The following GNPTAB variants were observed in gnomAD, a reference collection of about 807,000 sequenced individuals.
GNPTAB encodes the protein N-acetylglucosamine-1-phosphate transferase subunits alpha and beta, also known as N-acetylglucosamine-1-phosphotransferase subunits alpha/beta.
A neutral mutation model predicts 136.6 loss-of-function variants in GNPTAB; 92 were observed. That is an observed-to-expected ratio of 0.67 (90% CI 0.57 to 0.80). The LOEUF (loss-of-function observed/expected upper bound fraction) is 0.80. GNPTAB is among the 30% of genes least tolerant of loss of function. The pLI is 0.00. For missense variants in GNPTAB, 1,343 were observed against 1,501.8 expected (o/e 0.89, Z 1.75); for synonymous variants, 512 against 535.1 (o/e 0.96, Z 0.60).
At position 101,761,672 on chromosome 12, in the gene GNPTAB, CT is replaced by C. The variant is rs1292129550; in HGVS notation, c.2806del (p.Arg936AspfsTer3). The C allele has an allele frequency of 1.2e-6, 2 of 1,613,692 alleles. No homozygotes were observed. The highest frequency in any genetic ancestry group is 1.7e-6 in the Non-Finnish European group (2 of 1,179,706). ...GCTATTTAGAATTTTATTTACATAT[CT>C]GAGGGAATCTGCAAATGTATCTTTT... ...QLKDTFADSL[R>X]YVNKILNSKF... On this transcript the variant is annotated frameshift_variant, in exon 14 of 21. Transcript: ENST00000299314. LOFTEE classifies it high-confidence loss of function.
Position 101,761,180 on chromosome 12 carries a change from T to C in GNPTAB, c.3082A>G (p.Arg1028Gly). 6.2e-7 allele frequency: 1 copy of C among 1,614,180 alleles called. No individual in the cohort carries two copies. The highest frequency in any genetic ancestry group is 8.5e-7 in the Non-Finnish European group (1 of 1,179,990). Residue 1028 changes from arginine to glycine, a missense_variant, in exon 15 of 21, where the codon AGA (arginine) becomes GGA (glycine). Coordinates refer to ENST00000299314, the MANE Select transcript of GNPTAB (RefSeq NM_024312.5). Reference sequence around the variant, plus strand: ...CTGGTAGCCAGTGTTCGGATTTCTCTGTCAGACAAGACACCAGATTGATCT... The same window carrying C: ...CTGGTAGCCAGTGTTCGGATTTCTCCGTCAGACAAGACACCAGATTGATCT... ...DTDQSGVLSDREIRTLATRIH... is the reference protein window; with the variant it reads ...DTDQSGVLSDGEIRTLATRIH...
intron 7 of GNPTAB, chr12:101,773,227 T>C: frequency 4.6e-6 from 1 of 219,032 alleles, no homozygotes; most frequent in Non-Finnish European, 9.5e-6. Flanking sequence ...TCCTCCACCT[T>C]CTTACTACCT....
intron 12 of GNPTAB, 160 bp downstream of exon 12, chr12:101,765,931 T>G: frequency 1.4e-6 from 1 of 692,230 alleles, no homozygotes; most frequent in Non-Finnish European, 2.6e-6. Flanking sequence ...TCTTCAGTGA[T>G]TTATGTTGTT....
chr12:101,802,224 A>G (rs1229296032), intron 1 of GNPTAB, among the ~76,000 whole-genome samples: 1 of 151,368 alleles, frequency 6.6e-6, no homozygotes, highest in African/African-American at 2.4e-5. Flanking sequence ...AAAAGAAAAG[A>G]AAAGAAAAAA....
chr12:101,773,427 G>A, intron 7 of GNPTAB: 1 of 239,298 alleles, frequency 4.2e-6, no homozygotes, highest in South Asian at 5.0e-5. Context: ...TCCAGGGTCG[G>A]AAGGCAGTGG....
chr12:101,754,528 C>T (rs991119132), intron 18 of GNPTAB, among the ~76,000 whole-genome samples: 3 of 151,840 alleles, frequency 2.0e-5, no homozygotes, highest in African/African-American at 4.8e-5. Context: ...AGAGACAGTG[C>T]CTTATAGCTA....
intron 1 of GNPTAB, among the ~76,000 whole-genome samples, chr12:101,809,854 T>C (rs1870126943): frequency 6.6e-6 from 1 of 152,210 alleles, no homozygotes; most frequent in Admixed American, 6.5e-5. Flanking sequence ...ATTATGCGTT[T>C]GTCAAAACCC....
chr12:101,826,120 A>G (rs1427516305), intron 1 of GNPTAB, among the ~76,000 whole-genome samples: 1 of 152,250 alleles, frequency 6.6e-6, no homozygotes, highest in Non-Finnish European at 1.5e-5. Context: ...GGCTGAACAT[A>G]ACTTGAGCTA....
At chr12:101,802,199 T>TAAAAAAAAAAAAA (rs112485347) in intron 1 of GNPTAB, among the ~76,000 whole-genome samples, 1 of 108,210 alleles carries the variant, frequency 9.2e-6, no homozygotes, top group African/African-American at 3.5e-5. Context: ...CCCTGTCTCT[T>TAAAAAAAAAAAAA]AAAAAAAAAA....
At chr12:101,752,666 C>T (rs1293842386) in intron 19 of GNPTAB, among the ~76,000 whole-genome samples, 1 of 152,184 alleles carries the variant, frequency 6.6e-6, no homozygotes, top group Non-Finnish European at 1.5e-5. Flanking sequence ...CCCTTCTCAC[C>T]ACTTCTGAGA....
intron 1 of GNPTAB, among the ~76,000 whole-genome samples, chr12:101,829,240 T>C (rs529437683): frequency 6.6e-6 from 1 of 152,300 alleles, no homozygotes; most frequent in South Asian, 2.1e-4. Flanking sequence ...ATCCCAACAC[T>C]TTGGGAGGCC....
rs770952898 is a variant in GNPTAB, at chr12:101,757,267, G to T, written c.3379C>A (p.Arg1127Ser). ...GEEEIAFKMI[R>S]TNVSHVVGQL... The stretch of plus-strand genomic sequence containing the variant: ...CCAACCACATGAGAAACGTTGGTAC[G>T]AATCATTTTAAAAGCGATTTCTTCT... Residue 1127 changes from arginine to serine, a missense_variant, in exon 18 of 21, where the codon CGT becomes AGT. Transcript: ENST00000299314. The T allele has an allele frequency of 6.2e-7, 1 of 1,609,578 alleles. No individual in the cohort carries two copies. Among genetic ancestry groups the T allele is most frequent in the Admixed American group, 1.7e-5 (1 of 59,990 alleles).
intron 18 of GNPTAB, among the ~76,000 whole-genome samples, chr12:101,753,973 A>C (rs562259808): frequency 3.3e-5 from 5 of 152,014 alleles, no homozygotes; most frequent in Non-Finnish European, 7.4e-5. Flanking sequence ...AACATGGCGA[A>C]ACCTATCTCT....
At chr12:101,816,432 T>C (rs561058020) in intron 1 of GNPTAB, among the ~76,000 whole-genome samples, 4 of 152,308 alleles carry the variant, frequency 2.6e-5, no homozygotes, top group East Asian at 1.9e-4. Context: ...TAAGTGGCCA[T>C]AGGTATATTT....
Position 101,766,142 on chromosome 12 carries a change from G to C in GNPTAB, c.1561C>G (p.Gln521Glu). 6.2e-7 allele frequency: 1 copy of C among 1,614,096 alleles called. No homozygotes were observed. The highest frequency in any genetic ancestry group is 1.7e-4 in the Middle Eastern group (1 of 6,060). Residue 521 changes from glutamine (Q) to glutamate (E), a missense_variant, in exon 12 of 21, where the codon CAA (glutamine) becomes GAA (glutamate). Transcript: ENST00000299314. ...NSWLADKFCD[Q>E]ACNVLSCGFD... ...CCACAGGACAAGACATTGCATGCTT[G>C]GTCACAGAACTTATCAGCGAGCCAG...
At chr12:101,817,675 A>T (rs1870575500) in intron 1 of GNPTAB, among the ~76,000 whole-genome samples, 2 of 152,208 alleles carry the variant, frequency 1.3e-5, no homozygotes, top group Admixed American at 1.3e-4. Flanking sequence ...TTAATTTTTT[A>T]AATAGCTAGC....
At chr12:101,796,822 AT>A (rs1869322564) in intron 1 of GNPTAB, 60 bp from the exon 2 acceptor site, 1 of 1,109,988 alleles carries the variant, frequency 9.0e-7, no homozygotes, top group African/African-American at 1.6e-5. Context: ...TATAACTTTC[AT>A]TTCATTTTAA....
chr12:101,769,780 A>C (rs1332610811), intron 10 of GNPTAB, among the ~76,000 whole-genome samples: 2 of 149,276 alleles, frequency 1.3e-5, no homozygotes, highest in African/African-American at 4.9e-5. Flanking sequence ...TGAGTATTCC[A>C]CCGGGCCCAG....
Position 101,764,401 on chromosome 12 carries a change from A to G in GNPTAB, c.2516T>C (p.Ile839Thr), listed in dbSNP as rs746042285. The G allele has an allele frequency of 1.2e-6, 2 of 1,613,716 alleles. No individual in the cohort carries two copies. The highest frequency in any genetic ancestry group is 1.7e-6 in the Non-Finnish European group (2 of 1,180,014). Residue 839 changes from isoleucine (I) to threonine (T), a missense_variant, in exon 13 of 21, where the codon ATT becomes ACT. Ile to Thr is a moderately conservative substitution (Grantham distance 89). Coordinates refer to ENST00000299314, the MANE Select transcript of GNPTAB (RefSeq NM_024312.5). ...TGTCATCTGGCTTTCCAGTGGAACAATCAGAGATGGGGGCTTTTCTTTTGT... is the reference window on the plus strand; with the variant it reads ...TGTCATCTGGCTTTCCAGTGGAACAGTCAGAGATGGGGGCTTTTCTTTTGT... ...NVTKEKPPSL[I>T]VPLESQMTKE...
Sources: allele counts gnomAD v4.1 joint callset (sites outside exome capture counted in the v4.1 genomes callset), GRCh38; gene constraint gnomAD v4.1.1; transcripts MANE v1.5; gene names NCBI Gene and HGNC (gene_info 2026-07-23, HGNC 2026-07-21).